DMD: variants seen among roughly 807,000 people sequenced by gnomAD.
The protein encoded by DMD is dystrophin, also known as mutant dystrophin.
A neutral mutation model predicts 330.1 loss-of-function variants in DMD; 63 were observed. The ratio of observed to expected loss-of-function variants is 0.19; its 90% CI spans 0.16 to 0.24. The LOEUF is 0.24. Ranked by LOEUF, DMD falls within the 10% of genes least tolerant of loss-of-function variation. The pLI, the probability that DMD is intolerant of heterozygous loss-of-function variation, is 1.00. For missense variants in DMD, 3,344 were observed against 2,684.1 expected (o/e 1.25, Z -5.43); for synonymous variants, 1,223 against 959.8 (o/e 1.27, Z -5.07).
intron 74 of DMD, among the ~76,000 whole-genome samples, chrX:31,154,164 T>C (rs1410951249): frequency 8.9e-6 from 1 of 112,364 alleles, no homozygotes; most frequent in Non-Finnish European, 1.9e-5. Flanking sequence ...TCTATGCCAA[T>C]ACTTTTTGAG....
intron 12 of DMD, among the ~76,000 whole-genome samples, chrX:32,609,772 C>A (rs1174631391): frequency 9.0e-6 from 1 of 111,106 alleles, no homozygotes; most frequent in Non-Finnish European, 1.9e-5. Context: ...ATAACCTTCA[C>A]TGAAGTCAGA....
intron 54 of DMD, among the ~76,000 whole-genome samples, chrX:31,648,241 A>G (rs2148551680): frequency 8.9e-6 from 1 of 111,799 alleles, no homozygotes; most frequent in Non-Finnish European, 1.9e-5. Context: ...TAAATTTTTG[A>G]TAGTTTCTAC....
At chrX:32,114,287 T>C (rs757293614) in intron 44 of DMD, among the ~76,000 whole-genome samples, 2 of 111,986 alleles carry the variant, frequency 1.8e-5, no homozygotes, top group African/African-American at 3.2e-5. Flanking sequence ...TCTCTGGTTA[T>C]GATTGCACCT....
intron 5 of DMD, among the ~76,000 whole-genome samples, chrX:32,819,670 C>G (rs1233135574): frequency 3.6e-5 from 4 of 110,319 alleles, no homozygotes; most frequent in Admixed American, 2.9e-4. Flanking sequence ...CTCCATGGCA[C>G]TATTAATAAC....
At chrX:32,209,419 A>G (rs1225291650) in intron 44 of DMD, among the ~76,000 whole-genome samples, 2 of 111,408 alleles carry the variant, frequency 1.8e-5, no homozygotes, top group African/African-American at 6.5e-5. Context: ...GAGAAAAGCA[A>G]ATTTAAAGGT....
chrX:32,141,861 G>A (rs2096755435), intron 44 of DMD, among the ~76,000 whole-genome samples: 1 of 111,614 alleles, frequency 9.0e-6, no homozygotes, highest in Admixed American at 9.5e-5. Flanking sequence ...TAACAAGGCA[G>A]GACAAGAGAG....
At position 33,079,307 on chromosome X, in the gene DMD, C is replaced by G. The variant is rs138846176; in HGVS notation, c.32-59107G>C. 5.2e-3 allele frequency among the ~76,000 whole-genome samples: 582 copies of G among 111,573 alleles called. 4 individuals are homozygous for G. The highest frequency in any genetic ancestry group is 0.018 in the African/African-American group (549 of 30,724). On this transcript the variant is annotated intron_variant, in intron 1 of 78. Transcript: ENST00000357033. ...GATTACAGGCATGAGCCACCATGCC[C>G]GGCCTATAAAACCATCTTTTAAGAG...
chrX:31,282,222 G>T (rs183543186), intron 62 of DMD, among the ~76,000 whole-genome samples: 1 of 111,887 alleles, frequency 8.9e-6, no homozygotes, highest in African/African-American at 3.2e-5. Flanking sequence ...ATTTTAACTA[G>T]AGCTAAATAA....
intron 62 of DMD, among the ~76,000 whole-genome samples, chrX:31,300,860 G>C (rs1351362074): frequency 8.9e-6 from 1 of 112,092 alleles, no homozygotes; most frequent in Non-Finnish European, 1.9e-5. Flanking sequence ...TGGAGATGGA[G>C]AGCTGCAAAG....
chrX:32,674,409 T>C (rs1482972581), intron 9 of DMD, among the ~76,000 whole-genome samples: 1 of 111,774 alleles, frequency 8.9e-6, no homozygotes, highest in Non-Finnish European at 1.9e-5. Context: ...AGTGAATATA[T>C]GCTATGAAGG....
At chrX:32,605,890 T>A (rs962884128) in intron 12 of DMD, among the ~76,000 whole-genome samples, 7 of 109,900 alleles carry the variant, frequency 6.4e-5, no homozygotes, top group African/African-American at 2.3e-4. Context: ...TTTTTTTCAA[T>A]GTCATTTAAA....
chrX:31,138,535 G>C (rs1013309785), intron 76 of DMD, among the ~76,000 whole-genome samples: 1 of 108,955 alleles, frequency 9.2e-6, no homozygotes, highest in African/African-American at 3.4e-5. Context: ...TTCCAGATGC[G>C]TGAGGAGGCC....
intron 60 of DMD, among the ~76,000 whole-genome samples, chrX:31,385,787 A>T (rs1005020992): frequency 2.0e-4 from 23 of 112,332 alleles, no homozygotes; most frequent in African/African-American, 7.4e-4. Context: ...GGGACTGTAA[A>T]CTAGTTCAAC....
intron 44 of DMD, among the ~76,000 whole-genome samples, chrX:32,161,861 G>A (rs1327307637): frequency 8.9e-6 from 1 of 111,859 alleles, no homozygotes; most frequent in Non-Finnish European, 1.9e-5. Context: ...TGACTTTAAG[G>A]GCTGAAGATA....
At chrX:33,277,009 A>G (rs2053245701) in intron 1 of DMD, among the ~76,000 whole-genome samples, 1 of 111,967 alleles carries the variant, frequency 8.9e-6, no homozygotes, top group Admixed American at 9.5e-5. Flanking sequence ...GTGTGTATAT[A>G]TAGTTATACT....
chrX:31,536,861 AC>A (rs1223494106), intron 55 of DMD, among the ~76,000 whole-genome samples: 1 of 110,964 alleles, frequency 9.0e-6, no homozygotes, highest in African/African-American at 3.3e-5. Context: ...CTCCCTCTCT[AC>A]CATCTTCTTC....
intron 1 of DMD, among the ~76,000 whole-genome samples, chrX:33,034,715 T>C (rs1372584267): frequency 8.9e-6 from 1 of 112,548 alleles, no homozygotes; most frequent in Non-Finnish European, 1.9e-5. Flanking sequence ...ACAGTCCTTG[T>C]TGGAGTATGC....
At chrX:32,297,235 TTTTATTTATTTA>T (rs199584874) in intron 42 of DMD, among the ~76,000 whole-genome samples, 13,533 of 97,075 alleles carry the variant, frequency 0.14, 973 homozygotes, top group Admixed American at 0.27. Context: ...GACAGTCATA[TTTTATTTATTTA>T]TTTATTTATT....
intron 55 of DMD, among the ~76,000 whole-genome samples, chrX:31,569,858 T>C (rs947032977): frequency 1.8e-5 from 2 of 109,316 alleles, no homozygotes; most frequent in African/African-American, 6.6e-5. Flanking sequence ...AAATGACCCA[T>C]TAATTCATTA....
Sources: allele counts gnomAD v4.1 joint callset (sites outside exome capture counted in the v4.1 genomes callset), GRCh38; gene constraint gnomAD v4.1.1; transcripts MANE v1.5; gene names NCBI Gene and HGNC (gene_info 2026-07-23, HGNC 2026-07-21).